Variants in KATNBL1 observed in about 807,000 individuals in gnomAD.
The protein encoded by KATNBL1 is KATNB1-like protein 1.
In KATNBL1, 28 loss-of-function variants were observed where a neutral mutation model predicts 44.7. The observed-to-expected ratio is 0.63, with a 90% CI of 0.46 to 0.86. The LOEUF (loss-of-function observed/expected upper bound fraction) is 0.86. Among genes scored for constraint, KATNBL1 ranks in the 40% least tolerant of loss-of-function variants. The probability of loss-of-function intolerance (pLI) is 0.00; values close to 1 mark genes in which losing one functional copy is unlikely to be tolerated. For synonymous variants in KATNBL1, 78 were observed against 114.9 expected (o/e 0.68, Z 2.06); for missense variants, 272 against 350.7 (o/e 0.78, Z 1.79).
intron 1 of KATNBL1, among the ~76,000 whole-genome samples, chr15:34,173,530 T>A (rs1889234667): frequency 6.6e-6 from 1 of 151,806 alleles, no homozygotes; most frequent in African/African-American, 2.4e-5. Context: ...TTCTTCACAG[T>A]AAGCAATAAG....
chr15:34,187,976 T>C (rs1472967762), intron 1 of KATNBL1, among the ~76,000 whole-genome samples: 2 of 150,014 alleles, frequency 1.3e-5, no homozygotes, highest in African/African-American at 4.9e-5. Context: ...CCGTATCTAC[T>C]AAAAATACAA....
intron 3 of KATNBL1, among the ~76,000 whole-genome samples, chr15:34,153,548 C>G (rs112440789): frequency 2.6e-3 from 400 of 152,162 alleles, no homozygotes; most frequent in South Asian, 4.2e-3. Flanking sequence ...ATGCTTTGCT[C>G]TCTTAAAAAT....
At chr15:34,153,899 A>C (rs1888557431) in intron 3 of KATNBL1, among the ~76,000 whole-genome samples, 1 of 152,218 alleles carries the variant, frequency 6.6e-6, no homozygotes, top group Non-Finnish European at 1.5e-5. Flanking sequence ...ATTGATATTT[A>C]CTGTGTAAAA....
chr15:34,191,722 CG>C (rs1038228382), intron 1 of KATNBL1, among the ~76,000 whole-genome samples: 6 of 150,892 alleles, frequency 4.0e-5, no homozygotes, highest in African/African-American at 1.5e-4. Context: ...CCGAGGTGGG[CG>C]GATCACGAGG....
chr15:34,192,374 A>G (rs1157612847), intron 1 of KATNBL1, among the ~76,000 whole-genome samples: 2 of 150,176 alleles, frequency 1.3e-5, no homozygotes, highest in East Asian at 3.9e-4. Context: ...ACTGCACTCA[A>G]GCCTGGGCGA....
At position 34,210,027 on chromosome 15, in the gene KATNBL1, T is replaced by A. The variant is rs1595374506; in HGVS notation, c.-91A>T. Reference sequence around the variant, plus strand: ...AGCGCCCGGCAGCCTAGAGAGTCCCTCGGCTTCTGGGCCGAGTCCCACTCA... The same window carrying A: ...AGCGCCCGGCAGCCTAGAGAGTCCCACGGCTTCTGGGCCGAGTCCCACTCA... On this transcript the variant is annotated 5_prime_UTR_variant, in exon 1 of 10. Coordinates refer to ENST00000256544, the MANE Select transcript of KATNBL1 (RefSeq NM_024713.3). 6.7e-6 allele frequency: 1 copy of A among 149,382 alleles called. No homozygotes were observed. The highest frequency in any genetic ancestry group is 2.1e-4 in the East Asian group (1 of 4,746). 9.3% of individuals were successfully genotyped at this position (149,382 alleles called of 1,614,324 possible).
intron 1 of KATNBL1, among the ~76,000 whole-genome samples, chr15:34,174,588 A>C (rs1340567118): frequency 6.6e-6 from 1 of 152,208 alleles, no homozygotes; most frequent in Non-Finnish European, 1.5e-5. Context: ...TGTCCACAAG[A>C]AACTCACTTC....
chr15:34,155,148 A>C (rs1888601867), intron 2 of KATNBL1, among the ~76,000 whole-genome samples: 1 of 152,202 alleles, frequency 6.6e-6, no homozygotes, highest in Non-Finnish European at 1.5e-5. Flanking sequence ...TTAAACTTTA[A>C]AATGGAGAAC....
chr15:34,199,073 T>G (rs934408520), intron 1 of KATNBL1, among the ~76,000 whole-genome samples: 2 of 152,262 alleles, frequency 1.3e-5, no homozygotes, highest in Non-Finnish European at 2.9e-5. Flanking sequence ...TCATGTACTG[T>G]CCAGCAAAAG....
chr15:34,177,294 A>G (rs1366431159), intron 1 of KATNBL1, among the ~76,000 whole-genome samples: 1 of 152,212 alleles, frequency 6.6e-6, no homozygotes, highest in Admixed American at 6.5e-5. Context: ...ACCTACCAGA[A>G]AAATGAAAAG....
chr15:34,151,565 C>T (rs56936283), intron 4 of KATNBL1, among the ~76,000 whole-genome samples: 24,436 of 148,170 alleles, frequency 0.16, 2,145 homozygotes, highest in Middle Eastern at 0.32. Flanking sequence ...AATTCTTGAG[C>T]GTCAGCCTCC....
chr15:34,187,429 T>C (rs1889748584), intron 1 of KATNBL1, among the ~76,000 whole-genome samples: 1 of 152,160 alleles, frequency 6.6e-6, no homozygotes, highest in South Asian at 2.1e-4. Flanking sequence ...GACAAGAACT[T>C]GGGCAAAGGC....
chr15:34,168,280 G>A (rs568331450), intron 1 of KATNBL1, among the ~76,000 whole-genome samples: 1 of 152,136 alleles, frequency 6.6e-6, no homozygotes, highest in African/African-American at 2.4e-5. Flanking sequence ...AAAAAGCAGG[G>A]TTTGCAGTCC....
chr15:34,146,886 T>C, intron 7 of KATNBL1, 36 bp from the exon 8 acceptor site: 1 of 1,283,386 alleles, frequency 7.8e-7, no homozygotes, highest in Non-Finnish European at 1.1e-6. Flanking sequence ...TCAAGTGTTT[T>C]CATCTAAGAA....
At chr15:34,171,775 C>T (rs1407515653) in intron 1 of KATNBL1, among the ~76,000 whole-genome samples, 3 of 152,076 alleles carry the variant, frequency 2.0e-5, no homozygotes, top group East Asian at 1.9e-4. Context: ...GATGAGTTCA[C>T]GTCCTTAACA....
chr15:34,147,487 C>A (rs201403507), intron 5 of KATNBL1, 57 bp from the exon 6 acceptor site: 7 of 1,356,384 alleles, frequency 5.2e-6, no homozygotes, highest in South Asian at 1.2e-5. Flanking sequence ...TATTTACTTT[C>A]ATATTATGAT....
chr15:34,166,074 C>T (rs1251961562), intron 1 of KATNBL1: 1 of 152,558 alleles, frequency 6.6e-6, no homozygotes, highest in Non-Finnish European at 1.5e-5. Context: ...GTTCATCTCA[C>T]TGGGACTGGC....
Position 34,193,851 on chromosome 15 carries a change from CAAAAAAAAAAAAAAA to C in KATNBL1, c.-15+16085_-15+16099del, listed in dbSNP as rs58951561. ...TGGGTGACAGAGAAAGGCCCTGTCT[CAAAAAAAAAAAAAAA>C]AAAAAAAAAAAAAATCACCAGCAAA... On this transcript the variant is annotated intron_variant, in intron 1 of 9. Transcript: ENST00000256544. 9.8e-4 allele frequency among the ~76,000 whole-genome samples: 62 copies of C among 63,568 alleles called. No homozygotes were observed. In the Middle Eastern group the frequency reaches 0.027, roughly 28 times the overall value. The allele number at this position is 63,568 out of a possible 152,430, so 41.7% of individuals were successfully genotyped here.
chr15:34,177,313 C>T (rs971965628), intron 1 of KATNBL1, among the ~76,000 whole-genome samples: 2 of 152,142 alleles, frequency 1.3e-5, no homozygotes, highest in Admixed American at 6.6e-5. Flanking sequence ...AGGGATCTTT[C>T]TATATAATCT....
Sources: gnomAD v4.1 joint callset for allele counts (sites outside exome capture counted in the v4.1 genomes callset) on GRCh38, gnomAD v4.1.1 for gene constraint, MANE v1.5 for transcripts, NCBI Gene and HGNC (gene_info 2026-07-23, HGNC 2026-07-21) for gene names.